The following NEGR1 variants were observed in gnomAD, a reference collection of about 807,000 sequenced individuals.
The protein encoded by NEGR1 is IgLON family member 4.
NEGR1 carries 10 observed loss-of-function variants against 40.9 expected under a neutral mutation model. The ratio of observed to expected loss-of-function variants is 0.24; its 90% CI spans 0.15 to 0.42. The LOEUF (loss-of-function observed/expected upper bound fraction) is 0.42. NEGR1 is among the 10% of genes least tolerant of loss of function. The pLI is 1.00. For synonymous variants in NEGR1, 185 were observed against 166.8 expected (o/e 1.11, Z -0.84); for missense variants, 352 against 438.9 (o/e 0.80, Z 1.77).
chr1:71,877,559 C>T (rs141735584), intron 2 of NEGR1, among the ~76,000 whole-genome samples: 25 of 152,076 alleles, frequency 1.6e-4, no homozygotes, highest in Admixed American at 1.4e-3. Flanking sequence ...ATGATCTAAC[C>T]GTAATTATCT....
At chr1:71,464,684 G>T (rs761155296) in intron 6 of NEGR1, among the ~76,000 whole-genome samples, 2 of 151,986 alleles carry the variant, frequency 1.3e-5, no homozygotes, top group African/African-American at 4.8e-5. Flanking sequence ...CATAAAGCAC[G>T]GAAAATGAGG....
At chr1:72,021,452 G>A (rs964674373) in intron 1 of NEGR1, among the ~76,000 whole-genome samples, 4 of 151,894 alleles carry the variant, frequency 2.6e-5, no homozygotes, top group African/African-American at 9.7e-5. Context: ...TATAACAGAG[G>A]ATCATAACAT....
At chr1:71,512,978 G>T (rs2101418707) in intron 6 of NEGR1, among the ~76,000 whole-genome samples, 1 of 152,180 alleles carries the variant, frequency 6.6e-6, no homozygotes, top group East Asian at 1.9e-4. Context: ...GAAACTAACA[G>T]TTTTACTATA....
chr1:71,659,028 T>C (rs1309218403), intron 4 of NEGR1, among the ~76,000 whole-genome samples: 2 of 152,130 alleles, frequency 1.3e-5, no homozygotes, highest in East Asian at 1.9e-4. Flanking sequence ...TAAGACATCA[T>C]TGGAGGAAGC....
chr1:71,713,221 A>C (rs1342179578), intron 3 of NEGR1, among the ~76,000 whole-genome samples: 1 of 152,198 alleles, frequency 6.6e-6, no homozygotes, highest in Non-Finnish European at 1.5e-5. Context: ...CGGAAAGATT[A>C]TTGAGGTCCT....
chr1:71,747,210 T>A (rs923695844), intron 3 of NEGR1, among the ~76,000 whole-genome samples: 1 of 151,784 alleles, frequency 6.6e-6, no homozygotes, highest in Non-Finnish European at 1.5e-5. Flanking sequence ...CATATAAATC[T>A]CATTAATAAA....
chr1:72,006,263 G>A (rs1207608751), intron 1 of NEGR1, among the ~76,000 whole-genome samples: 1 of 152,074 alleles, frequency 6.6e-6, no homozygotes, highest in African/African-American at 2.4e-5. Flanking sequence ...AGCTCTGTCA[G>A]CCCCCAAGAA....
At chr1:71,588,224 C>A (rs1030388633) in intron 6 of NEGR1, among the ~76,000 whole-genome samples, 1 of 152,074 alleles carries the variant, frequency 6.6e-6, no homozygotes, top group African/African-American at 2.4e-5. Flanking sequence ...TTTAGTTGCT[C>A]ATGTTCAGGA....
At chr1:71,465,227 A>C (rs1476196498) in intron 6 of NEGR1, among the ~76,000 whole-genome samples, 1 of 152,124 alleles carries the variant, frequency 6.6e-6, no homozygotes, top group Non-Finnish European at 1.5e-5. Context: ...AGAGTCAGGT[A>C]TTTATTGAGT....
chr1:71,813,319 GTT>G (rs1658072385), intron 2 of NEGR1, among the ~76,000 whole-genome samples: 1 of 152,116 alleles, frequency 6.6e-6, no homozygotes, highest in Non-Finnish European at 1.5e-5. Context: ...GTACCACGCT[GTT>G]TTGGTTGCTG....
intron 2 of NEGR1, among the ~76,000 whole-genome samples, chr1:71,846,099 G>A (rs1416113607): frequency 6.6e-6 from 1 of 151,760 alleles, no homozygotes; most frequent in Non-Finnish European, 1.5e-5. Context: ...CTGACCCCAG[G>A]GCCTCTGTTA....
intron 1 of NEGR1, among the ~76,000 whole-genome samples, chr1:72,199,080 G>T (rs567029389): frequency 2.6e-5 from 4 of 151,338 alleles, no homozygotes; most frequent in Non-Finnish European, 4.4e-5. Flanking sequence ...ATGTCCTTTT[G>T]CCCTTCAAGG....
At chr1:71,983,216 C>T (rs919042781) in intron 1 of NEGR1, among the ~76,000 whole-genome samples, 2 of 152,004 alleles carry the variant, frequency 1.3e-5, no homozygotes, top group Admixed American at 6.6e-5. Flanking sequence ...AATGCTGATT[C>T]AAAGTTAACC....
At chr1:71,536,445 A>G (rs1647517350) in intron 6 of NEGR1, among the ~76,000 whole-genome samples, 1 of 151,722 alleles carries the variant, frequency 6.6e-6, no homozygotes, top group South Asian at 2.1e-4. Context: ...CTCTTCACAC[A>G]CTGGGTCCCT....
At chr1:71,563,174 T>TAG (rs1298186180) in intron 6 of NEGR1, among the ~76,000 whole-genome samples, 1 of 151,846 alleles carries the variant, frequency 6.6e-6, no homozygotes, top group Non-Finnish European at 1.5e-5. Flanking sequence ...CATATTGGAA[T>TAG]AGAGAGAGAG....
chr1:71,690,086 C>T (rs1653201107), intron 4 of NEGR1, among the ~76,000 whole-genome samples: 1 of 151,890 alleles, frequency 6.6e-6, no homozygotes, highest in Non-Finnish European at 1.5e-5. Context: ...CTATTTCTAC[C>T]ATACTCTGCC....
Position 71,535,136 on chromosome 1 carries a change from T to C in NEGR1, c.940+57681A>G, listed in dbSNP as rs926182610. Among the ~76,000 whole-genome samples the C allele has an allele frequency of 9.9e-5, 15 of 151,784 alleles. 1 individual carries two copies. The South Asian group carries it at 1.9e-3, about 19-fold the overall frequency. Reference sequence around the variant, plus strand: ...AATTCAAAAAAATGAAAGCATAAAATGGCTTGAAAGGTAGAAGTTTAATCA... The same window carrying C: ...AATTCAAAAAAATGAAAGCATAAAACGGCTTGAAAGGTAGAAGTTTAATCA... On this transcript the variant is annotated intron_variant, in intron 6 of 6. Transcript: ENST00000357731.
chr1:71,772,146 C>T (rs1656351432), intron 3 of NEGR1, among the ~76,000 whole-genome samples: 1 of 152,042 alleles, frequency 6.6e-6, no homozygotes, highest in African/African-American at 2.4e-5. Flanking sequence ...TCCATAAGGA[C>T]ATAACTAGAA....
chr1:72,139,780 T>C (rs1650603733), intron 1 of NEGR1, among the ~76,000 whole-genome samples: 1 of 152,104 alleles, frequency 6.6e-6, no homozygotes. Context: ...TTGAGGATGA[T>C]GGATATGTTT....
Sources: allele counts gnomAD v4.1 joint callset (sites outside exome capture counted in the v4.1 genomes callset), GRCh38; gene constraint gnomAD v4.1.1; transcripts MANE v1.5; gene names NCBI Gene and HGNC (gene_info 2026-07-23, HGNC 2026-07-21).